CCR9: variants seen among roughly 807,000 people sequenced by gnomAD.
CCR9 encodes C-C chemokine receptor type 9.
A neutral mutation model predicts 8.7 loss-of-function variants in CCR9; 4 were observed. That is an observed-to-expected ratio of 0.46 (90% confidence interval 0.23 to 1.06). The LOEUF is 1.06. Ranked by LOEUF, CCR9 falls within the 50% of genes least tolerant of loss-of-function variation. The probability of loss-of-function intolerance (pLI) is 0.21; values close to 1 mark genes in which losing one functional copy is unlikely to be tolerated. For missense variants in CCR9, 394 were observed against 453.6 expected (o/e 0.87, Z 1.19); for synonymous variants, 159 against 168.8 (o/e 0.94, Z 0.45).
chr3:45,901,358 G>A lies in CCR9; in HGVS notation c.570G>A (p.Lys190=). ...CAGAAATCTTATACAGCCAAATCAA[G>A]GAGGAATCCGGCATTGCTATCTGCA... The part of the protein sequence containing the change: ...CIPEILYSQI[K]EESGIAICTM... The change falls in exon 3 of 3, where the codon AAG becomes AAA. Residue 190 remains lysine (K), a synonymous_variant. Coordinates refer to ENST00000357632, the MANE Select transcript of CCR9 (RefSeq NM_031200.3). This position sits in a 1 kb window ranked among gnomAD's most constrained non-coding sequence, Gnocchi z 4.3. 1 of 1,614,180 alleles carries A rather than the reference G, an allele frequency of 6.2e-7. No homozygotes were observed. The highest frequency in any genetic ancestry group is 8.5e-7 in the Non-Finnish European group (1 of 1,180,024).
At chr3:45,894,825 T>A (rs1702300521) in intron 1 of CCR9, 81 bp from the exon 2 acceptor site, 1 of 966,874 alleles carries the variant, frequency 1.0e-6, no homozygotes, top group Admixed American at 1.7e-5. Flanking sequence ...GATTTAAAAT[T>A]TAATCTCCAT....
intron 1 of CCR9, among the ~76,000 whole-genome samples, 191 bp from the exon 2 acceptor site, chr3:45,894,715 T>A (rs965429058): frequency 1.3e-5 from 2 of 151,834 alleles, no homozygotes; most frequent in African/African-American, 2.4e-5. Flanking sequence ...AAAGGAGAGG[T>A]TCATTCATTT....
chr3:45,890,317 T>TATATATATAACATATA lies in CCR9; in HGVS notation c.-29+3662_-29+3663insATATATATAACATATA, dbSNP rs1314296937. ...ATATATATATAACATATATATATATTTATATAAATATATATATAACATATA... is the reference window on the plus strand; with the variant it reads ...ATATATATATAACATATATATATATTATATATATAACATATATATATAAATATATATATAACATATA... On this transcript the variant is annotated intron_variant, in intron 1 of 2. Transcript: ENST00000357632. 3.6e-4 allele frequency among the ~76,000 whole-genome samples: 22 copies of TATATATATAACATATA among 61,362 alleles called. 1 individual carries two copies. Among genetic ancestry groups the TATATATATAACATATA allele is most frequent in the East Asian group, 1.4e-3 (3 of 2,194 alleles). The allele number at this position is 61,362 out of a possible 152,430, so 40.3% of individuals were successfully genotyped here.
rs770116381 is a variant in CCR9 at position 45,901,857 on chromosome 3, T to C, written c.1069T>C (p.Ser357Pro). The C allele has an allele frequency of 2.5e-6, 4 of 1,610,276 alleles. No homozygotes were observed. The highest frequency in any genetic ancestry group is 3.4e-6 in the Non-Finnish European group (4 of 1,176,888). ...GAGAGAGGGAAGCTTGAAGCTGTCG[T>C]CTATGTTGCTGGAGACAACCTCAGG... ...TRREGSLKLS[S>P]MLLETTSGAL... The change falls in exon 3 of 3, where the codon TCT (serine) becomes CCT (proline). Residue 357 changes from serine to proline, a missense_variant. Ser to Pro is a moderately conservative substitution (Grantham distance 74). Transcript: ENST00000357632. This position sits in a 1 kb window ranked among gnomAD's most constrained non-coding sequence, Gnocchi z 4.3.
intron 2 of CCR9, chr3:45,897,593 C>A (rs1315222448): frequency 1.3e-6 from 2 of 1,535,862 alleles, no homozygotes; most frequent in Non-Finnish European, 1.7e-6. Flanking sequence ...ATCACCTTCC[C>A]TCGCTGGCCC....
rs181659295 is a variant in CCR9, at chr3:45,897,490, G to A, written c.21+2536G>A. 5.8e-4 allele frequency: 529 copies of A among 919,144 alleles called. No individual in the cohort carries two copies. The African/African-American group carries it at 5.9e-3, about 10-fold the overall frequency. The allele number at this position is 919,144 out of a possible 1,614,324, so 56.9% of individuals were successfully genotyped here. ...GGAGTGTTAGCTGTGCCTGCTCACC[G>A]GGCAGTGGAGAAAGCTGGGTCACCC... On this transcript the variant is annotated intron_variant, in intron 2 of 2. Transcript: ENST00000357632.
intron 1 of CCR9, among the ~76,000 whole-genome samples, chr3:45,892,005 T>C (rs1702193489): frequency 1.3e-5 from 2 of 152,146 alleles, no homozygotes; most frequent in African/African-American, 4.8e-5. Flanking sequence ...ACTTAGCTGG[T>C]CTTCAAATCC....
rs1255756402 is a variant in CCR9 at position 45,902,457 on chromosome 3, G to C, written c.*559G>C. 1 of 167,736 alleles carries C rather than the reference G, an allele frequency of 6.0e-6. No individual in the cohort carries two copies. Among genetic ancestry groups the C allele is most frequent in the Non-Finnish European group, 1.5e-5 (1 of 68,732 alleles). The allele number at this position is 167,736 out of a possible 1,614,324, so 10.4% of individuals were successfully genotyped here. ...GACCTAATTTCCTTCTGTTCTCCTT[G>C]TTCTGTTCTGGGCCAGTGAAGGTCC... is the stretch of plus-strand genomic sequence containing the variant. On this transcript the variant is annotated 3_prime_UTR_variant, in exon 3 of 3. Transcript: ENST00000357632.
intron 2 of CCR9, among the ~76,000 whole-genome samples, chr3:45,898,065 A>G (rs962061245): frequency 6.6e-6 from 1 of 151,816 alleles, no homozygotes; most frequent in African/African-American, 2.4e-5. Flanking sequence ...GCACTTATTC[A>G]TTGTGTGGAT....
chr3:45,892,988 A>G (rs950476791), intron 1 of CCR9, among the ~76,000 whole-genome samples: 10 of 152,192 alleles, frequency 6.6e-5, no homozygotes, highest in African/African-American at 2.4e-4. Flanking sequence ...AGGTCCAATT[A>G]TAATAAACTG....
At chr3:45,896,420 A>G (rs551888939) in intron 2 of CCR9, among the ~76,000 whole-genome samples, 1 of 152,324 alleles carries the variant, frequency 6.6e-6, no homozygotes, top group Admixed American at 6.5e-5. Flanking sequence ...TATTCCATGG[A>G]AAGTAGCCGT....
In CCR9 at chr3:45,900,539, T is replaced by G. The variant is rs1386401641; in HGVS notation, c.22-271T>G. Among the ~76,000 whole-genome samples, 1 of 152,182 alleles carries G rather than the reference T, an allele frequency of 6.6e-6. No individual in the cohort carries two copies. The highest frequency in any genetic ancestry group is 2.4e-5 in the African/African-American group (1 of 41,422). ...TCTGGTTGCTCTATGGGTAGGTAAGTTTCCTGAGAGTGAAGCCACACATCT... is the reference window on the plus strand; with the variant it reads ...TCTGGTTGCTCTATGGGTAGGTAAGGTTCCTGAGAGTGAAGCCACACATCT... On this transcript the variant is annotated intron_variant, in intron 2 of 2. Coordinates refer to ENST00000357632, the MANE Select transcript of CCR9 (RefSeq NM_031200.3). The surrounding 1 kb of genome is among the most constrained non-coding windows in gnomAD (Gnocchi z 4.7).
chr3:45,886,347 C>T (rs959129768), upstream of CCR9, among the ~76,000 whole-genome samples: 1 of 152,206 alleles, frequency 6.6e-6, no homozygotes, highest in East Asian at 1.9e-4. Context: ...TCTGTATGTG[C>T]GTCTTCAGAT....
At chr3:45,894,143 G>A (rs1221334928) in intron 1 of CCR9, among the ~76,000 whole-genome samples, 3 of 152,172 alleles carry the variant, frequency 2.0e-5, no homozygotes. Context: ...TTATGTAGGG[G>A]TGGGCTTTAA....
In CCR9 at chr3:45,887,964, T is replaced by C. The variant is rs564321791; in HGVS notation, c.-29+1309T>C. 3.3e-5 allele frequency among the ~76,000 whole-genome samples: 5 copies of C among 152,342 alleles called. No homozygotes were observed. In the South Asian group the frequency reaches 6.2e-4, roughly 19 times the overall value. ...AGTAAGGACCTGCATTCCTGACTCA[T>C]GTTAGTATCTGATTTGATGTTAGTG... On this transcript the variant is annotated intron_variant, in intron 1 of 2. Transcript: ENST00000357632.
chr3:45,900,754 G>A lies in CCR9; in HGVS notation c.22-56G>A. 13 of 1,554,392 alleles carry A rather than the reference G, an allele frequency of 8.4e-6. No homozygotes were observed. Among genetic ancestry groups the A allele is most frequent in the Non-Finnish European group, 1.1e-5 (13 of 1,149,894 alleles). On this transcript the variant is annotated intron_variant, in intron 2 of 2. Transcript: ENST00000357632. The surrounding 1 kb of genome is among the most constrained non-coding windows in gnomAD (Gnocchi z 4.7). The stretch of plus-strand genomic sequence containing the variant: ...CAAGAGGTCCATGCCTCTGCCATCA[G>A]ACAGGACCTTCAAAATATTTTCCTT...
chr3:45,894,975 C>T (rs570659438), intron 2 of CCR9, 21 bp downstream of exon 2: 1 of 1,612,352 alleles, frequency 6.2e-7, no homozygotes, highest in South Asian at 1.1e-5. Flanking sequence ...CCGTGCTCCT[C>T]TGGCTCCTCA....
rs201710689 is a variant in CCR9 at position 45,900,873 on chromosome 3, G to A, written c.85G>A (p.Val29Ile). The change falls in exon 3 of 3, where the codon GTT (valine) becomes ATT (isoleucine). Residue 29 changes from valine (V) to isoleucine (I), a missense_variant. Transcript: ENST00000357632. The surrounding 1 kb of genome is among the most constrained non-coding windows in gnomAD (Gnocchi z 4.7). ...ATCCACATCTTCCATGGAAGACTAC[G>A]TTAACTTCAACTTCACTGACTTCTA... ...SESTSSMEDY[V>I]NFNFTDFYCE... The A allele has an allele frequency of 4.7e-5, 76 of 1,613,978 alleles. No individual in the cohort carries two copies. The highest frequency in any genetic ancestry group is 6.0e-5 in the Non-Finnish European group (71 of 1,180,012).
intron 1 of CCR9, among the ~76,000 whole-genome samples, chr3:45,891,330 A>G (rs1412074668): frequency 6.6e-6 from 1 of 152,196 alleles, no homozygotes; most frequent in African/African-American, 2.4e-5. Flanking sequence ...ACTTGTATCT[A>G]ATTTCAAGCT....
Sources: allele counts gnomAD v4.1 joint callset (sites outside exome capture counted in the v4.1 genomes callset), GRCh38; gene constraint gnomAD v4.1.1; non-coding constraint Gnocchi (gnomAD v3.1); transcripts MANE v1.5; gene names NCBI Gene and HGNC (gene_info 2026-07-23, HGNC 2026-07-21).